RPS6KC1: variants seen among roughly 807,000 people sequenced by gnomAD.
RPS6KC1 encodes the protein ribosomal protein S6 kinase C1, also known as inactive ribosomal protein S6 kinase delta-1.
Under a neutral mutation model 103.8 loss-of-function variants are expected in RPS6KC1, and 54 were observed. The observed-to-expected ratio is 0.52, with a 90% confidence interval of 0.42 to 0.65. RPS6KC1 has a LOEUF of 0.65. RPS6KC1 is among the 30% of genes least tolerant of loss of function. The pLI, the probability that RPS6KC1 is intolerant of heterozygous loss-of-function variation, is 0.00. For synonymous variants in RPS6KC1, 439 were observed against 438.7 expected, an observed-to-expected ratio of 1.00 and a Z score of -0.01; for missense variants, 1,151 against 1,253.8, an observed-to-expected ratio of 0.92 and a Z score of 1.24.
At chr1:213,071,203 C>T (rs987795074) in intron 2 of RPS6KC1, among the ~76,000 whole-genome samples, 162 bp downstream of exon 2, 7 of 152,180 alleles carry the variant, frequency 4.6e-5, no homozygotes, top group Non-Finnish European at 7.3e-5. Context: ...AATCTCGGCT[C>T]ACTGCAACCT....
At chr1:213,360,421 G>T in the RPS6KC1 span, among the ~76,000 whole-genome samples, 1 of 152,106 alleles carries the variant, frequency 6.6e-6, no homozygotes, top group Non-Finnish European at 1.5e-5. Flanking sequence ...GTCCTTTAAA[G>T]ACTTCTCTGC....
At chr1:213,759,627 C>T in the RPS6KC1 span, among the ~76,000 whole-genome samples, 2 of 152,046 alleles carry the variant, frequency 1.3e-5, no homozygotes, top group South Asian at 4.1e-4. Flanking sequence ...TGCACATCAC[C>T]TCTGTCCTCA....
At chr1:213,126,819 C>T (rs1228469427) in intron 5 of RPS6KC1, among the ~76,000 whole-genome samples, 2 of 152,160 alleles carry the variant, frequency 1.3e-5, no homozygotes, top group Non-Finnish European at 2.9e-5. Flanking sequence ...TGCTTTTGCA[C>T]TACAATGGCA....
intron 1 of RPS6KC1, among the ~76,000 whole-genome samples, chr1:213,053,189 A>G (rs1170679515): frequency 6.6e-6 from 1 of 152,220 alleles, no homozygotes; most frequent in Non-Finnish European, 1.5e-5. Context: ...CACATAGTGT[A>G]TGGAATCAGA....
chr1:213,784,667 A>T, the RPS6KC1 span, among the ~76,000 whole-genome samples: 1 of 152,162 alleles, frequency 6.6e-6, no homozygotes, highest in Admixed American at 6.5e-5. Flanking sequence ...CAATGCCCAC[A>T]TCTCTATGGT....
At chr1:213,171,672 T>C (rs1039306428) in intron 7 of RPS6KC1, among the ~76,000 whole-genome samples, 4 of 152,252 alleles carry the variant, frequency 2.6e-5, no homozygotes, top group Non-Finnish European at 5.9e-5. Flanking sequence ...TATTTTTCTA[T>C]TGTGCATTTT....
chr1:213,173,799 A>G (rs1234770811), intron 7 of RPS6KC1, among the ~76,000 whole-genome samples: 1 of 152,218 alleles, frequency 6.6e-6, no homozygotes, highest in Admixed American at 6.5e-5. Context: ...TTGATAATTT[A>G]TAGCCCTTTC....
the RPS6KC1 span, among the ~76,000 whole-genome samples, chr1:213,615,162 C>T: frequency 6.6e-6 from 1 of 152,184 alleles, no homozygotes; most frequent in African/African-American, 2.4e-5. Context: ...ATTCTGTTGA[C>T]AGGTCACAGC....
the RPS6KC1 span, among the ~76,000 whole-genome samples, chr1:213,362,682 C>T: frequency 6.6e-6 from 1 of 152,138 alleles, no homozygotes; most frequent in Non-Finnish European, 1.5e-5. Context: ...CTTGGCTGAG[C>T]CACAGTGTCC....
the RPS6KC1 span, among the ~76,000 whole-genome samples, chr1:213,323,797 TCTC>T: frequency 6.6e-6 from 1 of 152,174 alleles, no homozygotes; most frequent in African/African-American, 2.4e-5. Context: ...TCATGCATAG[TCTC>T]CTCTATTATC....
intron 2 of RPS6KC1, among the ~76,000 whole-genome samples, chr1:213,075,468 C>T (rs563958269): frequency 6.6e-6 from 1 of 152,302 alleles, no homozygotes; most frequent in Admixed American, 6.5e-5. Flanking sequence ...TGCCTATCTG[C>T]TACTGATCTT....
At chr1:213,688,461 C>G in the RPS6KC1 span, among the ~76,000 whole-genome samples, 5 of 152,222 alleles carry the variant, frequency 3.3e-5, no homozygotes, top group Non-Finnish European at 7.3e-5. Context: ...GGAAGTACTT[C>G]TGAACATGGC....
chr1:213,189,875 C>T (rs2092686869), intron 8 of RPS6KC1, among the ~76,000 whole-genome samples: 1 of 152,116 alleles, frequency 6.6e-6, no homozygotes, highest in South Asian at 2.1e-4. Context: ...TAATTTTTAA[C>T]TCCCATAAAT....
intron 6 of RPS6KC1, among the ~76,000 whole-genome samples, chr1:213,133,721 GT>G: frequency 6.6e-6 from 1 of 152,252 alleles, no homozygotes; most frequent in South Asian, 2.1e-4. Flanking sequence ...TGTGATCCCT[GT>G]TTTATAGGTG....
At chr1:213,761,913 C>CTTTGATTAT in the RPS6KC1 span, among the ~76,000 whole-genome samples, 28,008 of 151,762 alleles carry the variant, frequency 0.18, 2,781 homozygotes, top group Middle Eastern at 0.31. Flanking sequence ...GAGTTTAGAT[C>CTTTGATTAT]TTTGATTATT....
At chr1:213,313,864 A>G in the RPS6KC1 span, among the ~76,000 whole-genome samples, 4 of 152,042 alleles carry the variant, frequency 2.6e-5, no homozygotes, top group Admixed American at 6.5e-5. Flanking sequence ...GAGGCAGGAG[A>G]ATGGCGTGAA....
chr1:213,151,868 CG>C, intron 6 of RPS6KC1, among the ~76,000 whole-genome samples: 1 of 118,516 alleles, frequency 8.4e-6, no homozygotes, highest in South Asian at 2.8e-4. Context: ...GGCGGCTGGC[CG>C]GGCGGGGGGC....
chr1:213,856,716 C>T, the RPS6KC1 span, among the ~76,000 whole-genome samples: 1 of 152,220 alleles, frequency 6.6e-6, no homozygotes, highest in Admixed American at 6.5e-5. Flanking sequence ...TAAGTGGGCA[C>T]TTCCCTAAGT....
At chr1:213,702,904 T>C in the RPS6KC1 span, among the ~76,000 whole-genome samples, 10 of 152,124 alleles carry the variant, frequency 6.6e-5, no homozygotes, top group Admixed American at 4.6e-4. Flanking sequence ...TGTCTTTTGA[T>C]TGGAGAGTCT....
Sources: gnomAD v4.1 joint callset for allele counts (sites outside exome capture counted in the v4.1 genomes callset) on GRCh38, gnomAD v4.1.1 for gene constraint, MANE v1.5 for transcripts, NCBI Gene and HGNC (gene_info 2026-07-23, HGNC 2026-07-21) for gene names.